The following AMOTL1 variants were observed in gnomAD, a reference collection of about 807,000 sequenced individuals.
The protein encoded by AMOTL1 is angiomotin-like protein 1.
AMOTL1 carries 45 observed loss-of-function variants against 102.9 expected under a neutral mutation model. The ratio of observed to expected loss-of-function variants is 0.44; its 90% CI spans 0.34 to 0.56. The LOEUF (loss-of-function observed/expected upper bound fraction) is 0.56. AMOTL1 is among the 20% of genes least tolerant of loss of function. The pLI, the probability that AMOTL1 is intolerant of heterozygous loss-of-function variation, is 0.01. For missense variants in AMOTL1, 1,114 were observed against 1,225.6 expected (o/e 0.91, Z 1.36); for synonymous variants, 481 against 484.7 (o/e 0.99, Z 0.10).
intron 2 of AMOTL1, among the ~76,000 whole-genome samples, chr11:94,736,626 G>A (rs1950442124): frequency 6.6e-6 from 1 of 152,104 alleles, no homozygotes; most frequent in South Asian, 2.1e-4. Context: ...TACCTATTTC[G>A]CTGCTCCTAA....
At chr11:94,764,776 C>T (rs1950835513), upstream of AMOTL1, among the ~76,000 whole-genome samples, 2 of 152,156 alleles carry the variant, frequency 1.3e-5, no homozygotes, top group African/African-American at 4.8e-5. Flanking sequence ...ATTTAAATTC[C>T]TTGGTATTTC....
chr11:94,755,556 T>G (rs761506344), intron 3 of AMOTL1, among the ~76,000 whole-genome samples: 59 of 152,184 alleles, frequency 3.9e-4, no homozygotes, highest in Non-Finnish European at 7.6e-4. Flanking sequence ...ACTTACTGTT[T>G]CTTACACACA....
intron 1 of AMOTL1, among the ~76,000 whole-genome samples, chr11:94,723,936 G>A (rs77483809): frequency 1.5e-4 from 23 of 152,220 alleles, no homozygotes; most frequent in Non-Finnish European, 3.2e-4. Flanking sequence ...GCTTAGAAAC[G>A]GAAACTCGTC....
At chr11:94,720,316 G>T (rs925396995) in intron 1 of AMOTL1, among the ~76,000 whole-genome samples, 2 of 152,064 alleles carry the variant, frequency 1.3e-5, no homozygotes, top group South Asian at 4.1e-4. Flanking sequence ...ACCATGAGAG[G>T]TACAGGAATC....
chr11:94,833,459 A>G (rs1450611255), intron 6 of AMOTL1, among the ~76,000 whole-genome samples: 1 of 152,138 alleles, frequency 6.6e-6, no homozygotes, highest in East Asian at 1.9e-4. Context: ...TGTCACAGAT[A>G]TTTTCTCCAG....
At chr11:94,733,013 T>G (rs991138717) in intron 2 of AMOTL1, among the ~76,000 whole-genome samples, 1 of 152,264 alleles carries the variant, frequency 6.6e-6, no homozygotes, top group South Asian at 2.1e-4. Context: ...AACATTGCCA[T>G]GTACATGATT....
intron 1 of AMOTL1, among the ~76,000 whole-genome samples, chr11:94,783,653 G>A (rs1373938320): frequency 6.6e-6 from 1 of 152,184 alleles, no homozygotes; most frequent in East Asian, 1.9e-4. Context: ...ATGAATGTGG[G>A]CACTGGTATC....
At chr11:94,736,583 T>C (rs1033595775) in intron 2 of AMOTL1, among the ~76,000 whole-genome samples, 1 of 152,210 alleles carries the variant, frequency 6.6e-6, no homozygotes, top group African/African-American at 2.4e-5. Flanking sequence ...TACCTATGTG[T>C]GCTAGACACT....
chr11:94,760,572 C>G (rs1323556602), intron 3 of AMOTL1, among the ~76,000 whole-genome samples: 1 of 152,182 alleles, frequency 6.6e-6, no homozygotes. Flanking sequence ...GTGGCCAAAC[C>G]TTCCTGTCTT....
At chr11:94,869,125 A>G in intron 11 of AMOTL1, 73 bp from the exon 12 acceptor site, 5 of 1,437,448 alleles carry the variant, frequency 3.5e-6, no homozygotes, top group Non-Finnish European at 4.6e-6. Context: ...AACAAGGAAC[A>G]GATCTGCAAG....
intron 1 of AMOTL1, among the ~76,000 whole-genome samples, chr11:94,710,154 T>C (rs1367914170): frequency 6.6e-6 from 1 of 152,060 alleles, no homozygotes; most frequent in East Asian, 1.9e-4. Context: ...CTGTGCCCAA[T>C]CCTCCACATG....
At chr11:94,761,270 C>T (rs915960993) in intron 3 of AMOTL1, among the ~76,000 whole-genome samples, 2 of 151,238 alleles carry the variant, frequency 1.3e-5, no homozygotes, top group Non-Finnish European at 2.9e-5. Flanking sequence ...CTCACTGCAA[C>T]CTCCGCCTCC....
Position 94,864,755 on chromosome 11 carries a change from A to G in AMOTL1, c.2156A>G (p.His719Arg). ...AAERDTTIIN[H>R]SRNGSYGESS... ...GCCAGGGACACCACGATCATCAACC[A>G]CTCACGGAATGGCAGCTACGGAGAG... Residue 719 changes from histidine (H) to arginine (R), a missense_variant, in exon 10 of 13, where the codon CAC (histidine) becomes CGC (arginine). Coordinates refer to ENST00000433060, the MANE Select transcript of AMOTL1 (RefSeq NM_130847.3). 1 of 1,613,692 alleles carries G rather than the reference A, an allele frequency of 6.2e-7. No homozygotes were observed. The highest frequency in any genetic ancestry group is 8.5e-7 in the Non-Finnish European group (1 of 1,179,714).
In AMOTL1 at chr11:94,859,558, G is replaced by C. The variant is rs757738691; in HGVS notation, c.1978G>C (p.Glu660Gln). Residue 660 changes from glutamate to glutamine, a missense_variant, in exon 9 of 13, where the codon GAA becomes CAA. Glu to Gln is a conservative substitution (Grantham distance 29). Coordinates refer to ENST00000433060, the MANE Select transcript of AMOTL1 (RefSeq NM_130847.3). The part of the protein sequence containing the change: ...HGNGQPANMP[E>Q]YNAPALLELV... ...AAATGGCCAGCCAGCCAACATGCCG[G>C]AATACAATGCCCCAGCCCTCCTGGA... 4.3e-6 allele frequency: 7 copies of C among 1,613,236 alleles called. No homozygotes were observed. In the Admixed American group the frequency reaches 6.7e-5, roughly 15 times the overall value.
intron 1 of AMOTL1, among the ~76,000 whole-genome samples, chr11:94,714,291 A>G (rs1950062945): frequency 1.3e-5 from 2 of 152,054 alleles, no homozygotes; most frequent in South Asian, 4.1e-4. Flanking sequence ...ATTTAATGAA[A>G]TTTTGTTAAG....
chr11:94,801,163 G>A (rs1473524264), intron 3 of AMOTL1, among the ~76,000 whole-genome samples: 1 of 152,168 alleles, frequency 6.6e-6, no homozygotes, highest in Non-Finnish European at 1.5e-5. Flanking sequence ...GCTTCCCAGA[G>A]GAGGTGACAT....
chr11:94,873,776 T>TACACAC lies in AMOTL1; in HGVS notation c.*3013_*3018dup, dbSNP rs149500556. On this transcript the variant is annotated 3_prime_UTR_variant, in exon 13 of 13. Transcript: ENST00000433060. ...TGTGATGTGTGTGTGCACGTGTAACTACACACACACACACACACACACACA... is the reference window on the plus strand; with the variant it reads ...TGTGATGTGTGTGTGCACGTGTAACTACACACACACACACACACACACACACACACA... 0.048 allele frequency: 6,887 copies of TACACAC among 142,484 alleles called. 174 individuals are homozygous for TACACAC. The highest frequency in any genetic ancestry group is 0.11 in the South Asian group (490 of 4,420). 8.8% of individuals were successfully genotyped at this position (142,484 alleles called of 1,614,324 possible). A position where few individuals can be genotyped will look rare whatever the true frequency, so the allele number is the denominator to read the frequency against.
At chr11:94,731,998 C>T (rs1950361846) in intron 2 of AMOTL1, among the ~76,000 whole-genome samples, 2 of 152,208 alleles carry the variant, frequency 1.3e-5, no homozygotes, top group Non-Finnish European at 2.9e-5. Context: ...GCAGGGCTCT[C>T]CCCTACAGCC....
At chr11:94,709,164 GCTAATT>G (rs1949980632) in intron 1 of AMOTL1, among the ~76,000 whole-genome samples, 1 of 152,158 alleles carries the variant, frequency 6.6e-6, no homozygotes, top group Non-Finnish European at 1.5e-5. Context: ...GGAGTTTAAT[GCTAATT>G]CTCCACCTCT....
Sources: allele counts gnomAD v4.1 joint callset (sites outside exome capture counted in the v4.1 genomes callset), GRCh38; gene constraint gnomAD v4.1.1; transcripts MANE v1.5; gene names NCBI Gene and HGNC (gene_info 2026-07-23, HGNC 2026-07-21).